CSGALNACT1: variants seen among roughly 807,000 people sequenced by gnomAD.
The protein encoded by CSGALNACT1 is chondroitin sulfate N-acetylgalactosaminyltransferase 1, also known as beta4GalNAcT-1.
In CSGALNACT1, 52 loss-of-function variants were observed where a neutral mutation model predicts 51.0. The observed-to-expected ratio is 1.02, with a 90% CI of 0.82 to 1.29. CSGALNACT1 has a LOEUF of 1.29. Ranked by LOEUF, CSGALNACT1 falls within the 50% of genes most tolerant of loss-of-function variation. The pLI is 0.00. For missense variants in CSGALNACT1, 935 were observed against 679.2 expected (o/e 1.38, Z -4.19); for synonymous variants, 341 against 254.4 (o/e 1.34, Z -3.24).
intron 3 of CSGALNACT1, among the ~76,000 whole-genome samples, chr8:19,566,136 G>C (rs1474550210): frequency 2.0e-5 from 3 of 152,202 alleles, no homozygotes; most frequent in Admixed American, 6.5e-5. Context: ...AGATATAATA[G>C]AGTTCATTAC....
chr8:19,670,454 A>G (rs1380585208), intron 1 of CSGALNACT1, among the ~76,000 whole-genome samples: 4 of 152,146 alleles, frequency 2.6e-5, no homozygotes, highest in Non-Finnish European at 5.9e-5. Context: ...TAATAAGAAA[A>G]TGTCATTAAA....
chr8:19,691,580 A>G (rs542110139), intron 1 of CSGALNACT1, among the ~76,000 whole-genome samples: 36 of 152,338 alleles, frequency 2.4e-4, no homozygotes, highest in Admixed American at 1.1e-3. Context: ...GCAGCTCCAC[A>G]GCCCTGACGA....
intron 4 of CSGALNACT1, among the ~76,000 whole-genome samples, chr8:19,467,506 G>A (rs1692371586): frequency 6.6e-6 from 1 of 152,104 alleles, no homozygotes; most frequent in Admixed American, 6.5e-5. Context: ...AGACCATCAG[G>A]CAATCAACAA....
At chr8:19,608,316 A>T (rs1318380416) in intron 1 of CSGALNACT1, among the ~76,000 whole-genome samples, 1 of 152,162 alleles carries the variant, frequency 6.6e-6, no homozygotes, top group Non-Finnish European at 1.5e-5. Flanking sequence ...ACCTACTCCA[A>T]CACAACAATG....
chr8:19,406,156 G>C (rs1483643061), intron 9 of CSGALNACT1, 87 bp from the exon 9 acceptor site: 122 of 1,470,954 alleles, frequency 8.3e-5, no homozygotes, highest in Non-Finnish European at 1.1e-4. Context: ...TTTTCATTAA[G>C]ACATGACTGG....
intron 1 of CSGALNACT1, among the ~76,000 whole-genome samples, chr8:19,702,350 A>G (rs1287405797): frequency 6.6e-6 from 1 of 151,956 alleles, no homozygotes; most frequent in African/African-American, 2.4e-5. Flanking sequence ...TCATCTCTAC[A>G]ATAAAATTAA....
intron 1 of CSGALNACT1, among the ~76,000 whole-genome samples, chr8:19,645,603 T>G (rs943466356): frequency 1.3e-5 from 2 of 152,200 alleles, no homozygotes; most frequent in Non-Finnish European, 2.9e-5. Context: ...GGTACTAAAT[T>G]CCTGGTTCAA....
chr8:19,653,573 C>G (rs919259011), intron 1 of CSGALNACT1, among the ~76,000 whole-genome samples: 1 of 152,152 alleles, frequency 6.6e-6, no homozygotes, highest in Non-Finnish European at 1.5e-5. Context: ...AGGTATGGAT[C>G]ACTTGACCCC....
chr8:19,669,488 G>C (rs568942513), intron 1 of CSGALNACT1, among the ~76,000 whole-genome samples: 2 of 152,264 alleles, frequency 1.3e-5, no homozygotes, highest in South Asian at 4.1e-4. Context: ...GTCTCCCTCT[G>C]TCACCCAGGC....
At chr8:19,510,206 G>A (rs1255321884) in intron 3 of CSGALNACT1, among the ~76,000 whole-genome samples, 1 of 152,096 alleles carries the variant, frequency 6.6e-6, no homozygotes, top group Non-Finnish European at 1.5e-5. Context: ...CTGAAACTGT[G>A]GATTTCTTGA....
chr8:19,438,454 T>C (rs1041894543), intron 6 of CSGALNACT1, among the ~76,000 whole-genome samples: 1 of 152,236 alleles, frequency 6.6e-6, no homozygotes, highest in Non-Finnish European at 1.5e-5. Flanking sequence ...GGAATTTCTA[T>C]GTCACCTGCA....
chr8:19,439,607 A>G (rs1476248173), intron 6 of CSGALNACT1, among the ~76,000 whole-genome samples: 2 of 152,214 alleles, frequency 1.3e-5, no homozygotes, highest in East Asian at 3.8e-4. Flanking sequence ...TTTATCTCCA[A>G]TGTCAAAGTC....
chr8:19,585,515 C>T (rs778359094), intron 3 of CSGALNACT1, among the ~76,000 whole-genome samples: 6 of 152,206 alleles, frequency 3.9e-5, no homozygotes, highest in Non-Finnish European at 7.4e-5. Context: ...TCATCTCAGC[C>T]TTGGATGTTG....
At chr8:19,619,379 G>A (rs902685562) in intron 1 of CSGALNACT1, among the ~76,000 whole-genome samples, 3 of 152,216 alleles carry the variant, frequency 2.0e-5, no homozygotes, top group Admixed American at 6.5e-5. Flanking sequence ...GTCTATAGAG[G>A]AGGCTGGGAA....
intron 1 of CSGALNACT1, among the ~76,000 whole-genome samples, chr8:19,630,944 A>G (rs970604711): frequency 2.6e-5 from 4 of 152,132 alleles, no homozygotes; most frequent in Non-Finnish European, 5.9e-5. Flanking sequence ...ATTTGTTACA[A>G]CTGACGAGCC....
exon 4 of CSGALNACT1, chr8:19,505,693 C>A: frequency 6.2e-7 from 1 of 1,614,172 alleles, no homozygotes; most frequent in Non-Finnish European, 8.5e-7. Flanking sequence ...GGGCTGTTGG[C>A]CCTGGGCAGT....
intron 3 of CSGALNACT1, among the ~76,000 whole-genome samples, chr8:19,535,214 G>T (rs2083506174): frequency 6.6e-6 from 1 of 151,972 alleles, no homozygotes; most frequent in East Asian, 1.9e-4. Context: ...AAATAGAAAA[G>T]AAATATTATT....
At chr8:19,644,498 T>A (rs1443853340) in intron 1 of CSGALNACT1, among the ~76,000 whole-genome samples, 2 of 149,482 alleles carry the variant, frequency 1.3e-5, no homozygotes, top group Non-Finnish European at 3.0e-5. Context: ...TCACCTGAGG[T>A]CAGGAGTTCC....
At chr8:19,631,806 G>A (rs1330671653) in intron 1 of CSGALNACT1, among the ~76,000 whole-genome samples, 2 of 152,294 alleles carry the variant, frequency 1.3e-5, no homozygotes, top group African/African-American at 4.8e-5. Context: ...AAGCTTCTCA[G>A]ATTTAAACAA....
Sources: allele counts gnomAD v4.1 joint callset (sites outside exome capture counted in the v4.1 genomes callset), GRCh38; gene constraint gnomAD v4.1.1; transcripts MANE v1.5; gene names NCBI Gene and HGNC (gene_info 2026-07-23, HGNC 2026-07-21).